Variants in CNTNAP2 observed in about 807,000 individuals in gnomAD.
The protein encoded by CNTNAP2 is contactin associated protein 2, also known as contactin-associated protein-like 2.
In CNTNAP2, 98 loss-of-function variants were observed where a neutral mutation model predicts 155.2. The observed-to-expected ratio is 0.63, with a 90% CI of 0.54 to 0.75. The LOEUF is 0.75. Among genes scored for constraint, CNTNAP2 ranks in the 30% least tolerant of loss-of-function variants. CNTNAP2 has a pLI of 0.00. For missense variants in CNTNAP2, 1,727 were observed against 1,688.1 expected, an observed-to-expected ratio of 1.02 and a Z score of -0.40; for synonymous variants, 651 against 631.2, an observed-to-expected ratio of 1.03 and a Z score of -0.47.
At chr7:147,301,618 G>C (rs1036560391) in intron 9 of CNTNAP2, among the ~76,000 whole-genome samples, 15 of 140,414 alleles carry the variant, frequency 1.1e-4, no homozygotes, top group South Asian at 2.4e-4. Flanking sequence ...GTGTGTGTGT[G>C]TGTGTGTGTG....
intron 3 of CNTNAP2, among the ~76,000 whole-genome samples, chr7:146,851,208 C>A (rs1033999770): frequency 6.6e-6 from 1 of 152,228 alleles, no homozygotes; most frequent in South Asian, 2.1e-4. Context: ...TGGTCTCGAA[C>A]TCCTGACCTC....
At chr7:146,726,312 A>G (rs1234808659) in intron 1 of CNTNAP2, among the ~76,000 whole-genome samples, 2 of 152,210 alleles carry the variant, frequency 1.3e-5, no homozygotes, top group East Asian at 3.8e-4. Flanking sequence ...TGATTGTAAA[A>G]CAAATTTCAC....
Position 147,111,429 on chromosome 7 carries a change from T to G in CNTNAP2, c.754+3079T>G, listed in dbSNP as rs186216614. ...GCAATTGCTTTTGGCATCTCCATCA[T>G]GAAATCTTTGCCTGTGCCCATGTCC... On this transcript the variant is annotated intron_variant, in intron 5 of 23. Transcript: ENST00000361727. 1.9e-3 allele frequency among the ~76,000 whole-genome samples: 284 copies of G among 152,342 alleles called. 1 individual carries two copies. The highest frequency in any genetic ancestry group is 6.2e-3 in the African/African-American group (259 of 41,586).
chr7:146,271,037 A>C (rs967557196), intron 1 of CNTNAP2, among the ~76,000 whole-genome samples: 7 of 152,170 alleles, frequency 4.6e-5, no homozygotes, highest in African/African-American at 1.4e-4. Flanking sequence ...TTGTTCTTAA[A>C]AATATTATGG....
At chr7:147,772,150 G>T (rs1375328201) in intron 13 of CNTNAP2, among the ~76,000 whole-genome samples, 1 of 151,764 alleles carries the variant, frequency 6.6e-6, no homozygotes, top group African/African-American at 2.4e-5. Context: ...AATTGGCCAG[G>T]CATGGTGGCT....
intron 2 of CNTNAP2, among the ~76,000 whole-genome samples, chr7:146,794,925 A>C (rs1033213156): frequency 2.6e-5 from 4 of 152,202 alleles, no homozygotes; most frequent in Admixed American, 6.5e-5. Context: ...ACTGCCTTAA[A>C]CATTCATCAA....
chr7:147,588,141 T>C (rs181504274), intron 12 of CNTNAP2, among the ~76,000 whole-genome samples: 1 of 151,988 alleles, frequency 6.6e-6, no homozygotes, highest in Non-Finnish European at 1.5e-5. Flanking sequence ...AAATTATGAA[T>C]TTTTTTTGTA....
At chr7:148,241,601 A>G (rs755624105) in intron 20 of CNTNAP2, among the ~76,000 whole-genome samples, 3 of 152,158 alleles carry the variant, frequency 2.0e-5, no homozygotes, top group Admixed American at 6.5e-5. Context: ...TCACAAAGGC[A>G]TTTGAGCTGT....
At chr7:147,239,316 AC>A (rs775718738) in intron 8 of CNTNAP2, among the ~76,000 whole-genome samples, 12 of 151,034 alleles carry the variant, frequency 7.9e-5, no homozygotes, top group Non-Finnish European at 1.3e-4. Context: ...GACCAGCCTG[AC>A]CAACATGGTG....
chr7:146,513,843 C>A (rs1235682427), intron 1 of CNTNAP2, among the ~76,000 whole-genome samples: 2 of 151,676 alleles, frequency 1.3e-5, no homozygotes, highest in Admixed American at 6.6e-5. Flanking sequence ...CTGAAAAATT[C>A]ATTTTATTAT....
chr7:147,308,002 A>T (rs1313780016), intron 9 of CNTNAP2, among the ~76,000 whole-genome samples: 1 of 152,200 alleles, frequency 6.6e-6, no homozygotes, highest in African/African-American at 2.4e-5. Flanking sequence ...AAATGAGTGT[A>T]TTTGGGGGAA....
Position 146,946,516 on chromosome 7 carries a change from G to A in CNTNAP2, c.403-97391G>A, listed in dbSNP as rs557064506. ...ATTGAGCTTTAATAACATTTTTTAG[G>A]TTTAGGGGAGGCTTAATTTGGGGAA... On this transcript the variant is annotated intron_variant, in intron 3 of 23. Coordinates refer to ENST00000361727, the MANE Select transcript of CNTNAP2 (RefSeq NM_014141.6). Among the ~76,000 whole-genome samples, 3 of 152,082 alleles carry A rather than the reference G, an allele frequency of 2.0e-5. No individual in the cohort carries two copies. The South Asian group carries it at 6.2e-4, about 32-fold the overall frequency.
chr7:146,151,688 A>G lies in CNTNAP2; in HGVS notation c.97+34715A>G, dbSNP rs1332620593. 3.9e-3 allele frequency among the ~76,000 whole-genome samples: 153 copies of G among 39,650 alleles called. 6 individuals are homozygous for G. Among genetic ancestry groups the G allele is most frequent in the African/African-American group, 0.016 (140 of 8,572 alleles). 26.0% of individuals were successfully genotyped at this position (39,650 alleles called of 152,430 possible). On this transcript the variant is annotated intron_variant, in intron 1 of 23. Coordinates refer to ENST00000361727, the MANE Select transcript of CNTNAP2 (RefSeq NM_014141.6). ...TATATATATATATATATATGTATATATATATATATGTATATATATATATAT... is the reference window on the plus strand; with the variant it reads ...TATATATATATATATATATGTATATGTATATATATGTATATATATATATAT...
At chr7:147,211,255 G>C (rs1307140107) in intron 8 of CNTNAP2, among the ~76,000 whole-genome samples, 1 of 151,854 alleles carries the variant, frequency 6.6e-6, no homozygotes. Flanking sequence ...TTATTGTGTG[G>C]CTGTCTAGTT....
chr7:146,830,287 A>G (rs901717050), intron 2 of CNTNAP2, among the ~76,000 whole-genome samples: 1 of 152,084 alleles, frequency 6.6e-6, no homozygotes, highest in Non-Finnish European at 1.5e-5. Context: ...GGGCAGAATC[A>G]CTTCTAGAAC....
At chr7:147,665,807 T>C (rs1186685134) in intron 13 of CNTNAP2, among the ~76,000 whole-genome samples, 2 of 152,246 alleles carry the variant, frequency 1.3e-5, no homozygotes, top group Non-Finnish European at 2.9e-5. Flanking sequence ...GACCTCATTC[T>C]TTTGTACGGC....
chr7:147,106,966 T>G (rs1466263800), intron 4 of CNTNAP2, among the ~76,000 whole-genome samples: 2 of 152,188 alleles, frequency 1.3e-5, no homozygotes, highest in Non-Finnish European at 2.9e-5. Context: ...GCTATTATTT[T>G]TCTCCAATGT....
intron 1 of CNTNAP2, among the ~76,000 whole-genome samples, chr7:146,748,143 CTTTTT>C (rs61495352): frequency 5.1e-5 from 5 of 97,996 alleles, no homozygotes; most frequent in African/African-American, 1.2e-4. Context: ...CTTTTCTTTT[CTTTTT>C]TTTTTTTTTT....
At chr7:148,278,295 G>A (rs763655424) in intron 21 of CNTNAP2, among the ~76,000 whole-genome samples, 8 of 152,050 alleles carry the variant, frequency 5.3e-5, no homozygotes, top group African/African-American at 4.8e-5. Flanking sequence ...GGCCCGGCTC[G>A]GTGGCTCACG....
Sources: gnomAD v4.1 joint callset for allele counts (sites outside exome capture counted in the v4.1 genomes callset) on GRCh38, gnomAD v4.1.1 for gene constraint, MANE v1.5 for transcripts, NCBI Gene and HGNC (gene_info 2026-07-23, HGNC 2026-07-21) for gene names.